Variants in GBA1 observed in about 807,000 individuals in gnomAD.
The protein encoded by GBA1 is glucosylceramidase beta 1.
At chr1:155,241,159 T>C in the GBA1 span, 4 of 1,589,298 alleles carry the variant, frequency 2.5e-6, no homozygotes, top group South Asian at 4.4e-5. Context: ...GGTTCCAGAG[T>C]CTCTGAAGGA....
the GBA1 span, among the ~76,000 whole-genome samples, chr1:155,242,271 G>A: frequency 1.3e-5 from 2 of 152,180 alleles, no homozygotes; most frequent in Non-Finnish European, 2.9e-5. Context: ...TGCCCAGGCT[G>A]GAGTGCAGTG....
the GBA1 span, chr1:155,239,875 G>A: frequency 1.9e-6 from 3 of 1,614,094 alleles, no homozygotes; most frequent in Admixed American, 3.3e-5. Flanking sequence ...GGTGAGGGGT[G>A]TAATGGTTAC....
chr1:155,238,043 TG>T, the GBA1 span: 33 of 1,377,322 alleles, frequency 2.4e-5, no homozygotes, highest in Non-Finnish European at 3.4e-5. Flanking sequence ...CAGGCAGATC[TG>T]GAAGTGGAAC....
the GBA1 span, chr1:155,237,893 G>A: frequency 1.6e-6 from 1 of 628,466 alleles, no homozygotes; most frequent in East Asian, 2.7e-5. Context: ...CAGAGAGAGA[G>A]ACTCCTTCTC....
the GBA1 span, chr1:155,241,376 A>G: frequency 1.7e-6 from 1 of 574,294 alleles, no homozygotes; most frequent in Non-Finnish European, 3.1e-6. Context: ...TATATGCCCT[A>G]TAAAACTCTG....
chr1:155,239,861 A>G, the GBA1 span: 5 of 1,614,072 alleles, frequency 3.1e-6, no homozygotes, highest in Non-Finnish European at 2.5e-6. Flanking sequence ...AGCCTGGCCC[A>G]GGGGGTGAGG....
chr1:155,237,916 A>G, the GBA1 span: 1 of 667,772 alleles, frequency 1.5e-6, no homozygotes, highest in East Asian at 2.7e-5. Context: ...AAAAAAAAAA[A>G]AGAAGAAAAA....
the GBA1 span, chr1:155,235,915 C>T: frequency 1.9e-6 from 3 of 1,591,298 alleles, no homozygotes; most frequent in African/African-American, 1.3e-5. Flanking sequence ...AGGTAAGGGT[C>T]ACATGTGGGA....
At chr1:155,242,118 G>A in the GBA1 span, among the ~76,000 whole-genome samples, 7 of 152,226 alleles carry the variant, frequency 4.6e-5, no homozygotes, top group Middle Eastern at 3.2e-3. Flanking sequence ...GAAAATGGAG[G>A]CAATGCCACA....
At chr1:155,240,382 T>C in the GBA1 span, 2 of 604,438 alleles carry the variant, frequency 3.3e-6, no homozygotes, top group South Asian at 4.0e-5. Context: ...GAGAATCGCT[T>C]GAATCTGGGA....
the GBA1 span, chr1:155,240,714 A>T: frequency 1.1e-5 from 18 of 1,613,106 alleles, no homozygotes; most frequent in Non-Finnish European, 1.5e-5. Flanking sequence ...GGCTTGGGAC[A>T]TTCCTGAGGA....
At chr1:155,243,818 G>A in the GBA1 span, among the ~76,000 whole-genome samples, 1 of 151,806 alleles carries the variant, frequency 6.6e-6, no homozygotes, top group Non-Finnish European at 1.5e-5. Context: ...TGTCACCCAG[G>A]CTGGAGTGCA....
chr1:155,239,217 C>CA, the GBA1 span, among the ~76,000 whole-genome samples: 2,175 of 116,834 alleles, frequency 0.019, 22 homozygotes, highest in Middle Eastern at 0.034. Flanking sequence ...GACTCTGTCT[C>CA]AAAAAAAAAA....
chr1:155,238,570 C>G, the GBA1 span: 206 of 1,613,390 alleles, frequency 1.3e-4, 2 homozygotes, highest in Non-Finnish European at 1.7e-4. Context: ...TGGAAATCAT[C>G]AGGGGTGTCT....
the GBA1 span, chr1:155,238,003 G>T: frequency 1.0e-6 from 1 of 980,886 alleles, no homozygotes; most frequent in South Asian, 1.4e-5. Flanking sequence ...AAGGCTGAAA[G>T]GCCCAGAAGG....
At chr1:155,239,749 G>T in the GBA1 span, 1 of 1,613,966 alleles carries the variant, frequency 6.2e-7, no homozygotes, top group Admixed American at 1.7e-5. Context: ...CTGGCTGCAG[G>T]GTCAGTAGCA....
the GBA1 span, among the ~76,000 whole-genome samples, chr1:155,241,546 TA>T: frequency 6.1e-5 from 9 of 146,720 alleles, no homozygotes; most frequent in Admixed American, 1.4e-4. Flanking sequence ...TGATATAATT[TA>T]AAAAAAAAAA....
the GBA1 span, chr1:155,239,563 G>A: frequency 6.2e-7 from 1 of 1,606,716 alleles, no homozygotes; most frequent in African/African-American, 1.3e-5. Flanking sequence ...AAAAAGAAAA[G>A]AAAAACGAAA....
At chr1:155,242,846 G>C in the GBA1 span, among the ~76,000 whole-genome samples, 15 of 152,160 alleles carry the variant, frequency 9.9e-5, no homozygotes, top group Admixed American at 2.0e-4. Flanking sequence ...ACCAGCCTCA[G>C]CCTCCCAAGG....
Sources: allele counts gnomAD v4.1 joint callset (sites outside exome capture counted in the v4.1 genomes callset), GRCh38; gene constraint gnomAD v4.1.1; transcripts MANE v1.5; gene names NCBI Gene and HGNC (gene_info 2026-07-23, HGNC 2026-07-21).